The following TMEM147 variants were observed in gnomAD, a reference collection of about 807,000 sequenced individuals.
TMEM147 encodes the protein transmembrane protein 147.
A neutral mutation model predicts 29.4 loss-of-function variants in TMEM147; 29 were observed. The ratio of observed to expected loss-of-function variants is 0.99; its 90% CI spans 0.73 to 1.34. The LOEUF (loss-of-function observed/expected upper bound fraction) is 1.34. Ranked by LOEUF, TMEM147 falls within the 40% of genes most tolerant of loss-of-function variation. The pLI, the probability that TMEM147 is intolerant of heterozygous loss-of-function variation, is 0.00. For synonymous variants in TMEM147, 121 were observed against 111.8 expected (o/e 1.08, Z -0.52); for missense variants, 260 against 289.4 (o/e 0.90, Z 0.74).
At position 35,547,037 on chromosome 19, in the gene TMEM147, G is replaced by C. The variant is rs1374947402; in HGVS notation, c.429+8G>C. The C allele has an allele frequency of 6.2e-7, 1 of 1,614,254 alleles. No individual in the cohort carries two copies. Among genetic ancestry groups the C allele is most frequent in the East Asian group, 2.2e-5 (1 of 44,892 alleles). On this transcript the variant is annotated splice_region_variant and intron_variant, in intron 5 of 6. Coordinates refer to ENST00000222284, the MANE Select transcript of TMEM147 (RefSeq NM_032635.4). ...GACTCCAACATCAGTCTGGTAGGCA[G>C]TCGTGCTCTCCCACATACACATTTC...
intron 2 of TMEM147, 43 bp downstream of exon 2, chr19:35,546,000 T>C: frequency 1.3e-6 from 2 of 1,596,290 alleles, no homozygotes; most frequent in Non-Finnish European, 1.7e-6. Context: ...CCCCAGGCTC[T>C]GCAGACCCAG....
chr19:35,545,655 G>A lies in TMEM147; in HGVS notation c.-85G>A, dbSNP rs2071544921. On this transcript the variant is annotated 5_prime_UTR_variant, in exon 1 of 7. Transcript: ENST00000222284. ...AGGTGGGTGCCAGGCCCTGGCCGTG[G>A]CGAAAGAGCCGGCGGAGCCGGAGAC... The A allele has an allele frequency of 6.7e-7, 1 of 1,481,798 alleles. No individual in the cohort carries two copies. Among genetic ancestry groups the A allele is most frequent in the Non-Finnish European group, 9.1e-7 (1 of 1,098,466 alleles). The allele number at this position is 1,481,798 out of a possible 1,614,324, so 91.8% of individuals were successfully genotyped here. A position where few individuals can be genotyped will look rare whatever the true frequency, so the allele number is the denominator to read the frequency against.
Position 35,545,807 on chromosome 19 carries a change from G to T in TMEM147, c.68G>T (p.Cys23Phe). ...AYFPYFITYK[C>F]SGLSEYNAFW... ...TTCCCCTACTTCATCACCTACAAGT[G>T]CAGCGGCCTGTGAGTGCGGGAAGGG... Residue 23 changes from cysteine (C) to phenylalanine (F), a missense_variant, in exon 1 of 7, where the codon TGC (cysteine) becomes TTC (phenylalanine). Coordinates refer to ENST00000222284, the MANE Select transcript of TMEM147 (RefSeq NM_032635.4). 1.9e-6 allele frequency: 3 copies of T among 1,613,926 alleles called. No homozygotes were observed. The highest frequency in any genetic ancestry group is 2.5e-6 in the Non-Finnish European group (3 of 1,179,914).
intron 2 of TMEM147, 43 bp from the exon 3 acceptor site, chr19:35,546,483 T>G (rs1413794898): frequency 6.3e-7 from 1 of 1,585,398 alleles, no homozygotes; most frequent in Non-Finnish European, 8.6e-7. Flanking sequence ...TTTATCTTGA[T>G]CCCCTCACCT....
At position 35,545,783 on chromosome 19, in the gene TMEM147, T is replaced by C; in HGVS notation, c.44T>C (p.Phe15Ser). The change falls in exon 1 of 7, where the codon TTC becomes TCC. Residue 15 changes from phenylalanine (F) to serine (S), a missense_variant. By Grantham distance (155) the Phe-to-Ser change is radical (BLOSUM62 -2). Coordinates refer to ENST00000222284, the MANE Select transcript of TMEM147 (RefSeq NM_032635.4). Reference protein sequence around the residue: ...HFGNCFALAYFPYFITYKCSG... With the variant: ...HFGNCFALAYSPYFITYKCSG... ...GGGAACTGCTTCGCTCTTGCCTACT[T>C]CCCCTACTTCATCACCTACAAGTGC... 1 of 1,613,702 alleles carries C rather than the reference T, an allele frequency of 6.2e-7. No homozygotes were observed. The highest frequency in any genetic ancestry group is 8.5e-7 in the Non-Finnish European group (1 of 1,179,878).
At position 35,546,539 on chromosome 19, in the gene TMEM147, C is replaced by T. The variant is rs1451656223; in HGVS notation, c.161C>T (p.Ala54Val). ...TTCTGTTCTCAGATGCTGTTCTTGG[C>T]CACTTTCTTTCCCACCTGGGAAGGC... ...FVQLCKMLFL[A>V]TFFPTWEGGI... The change falls in exon 3 of 7, where the codon GCC becomes GTC. Residue 54 changes from alanine (A) to valine (V), a missense_variant. Physicochemically the swap from Ala to Val is moderately conservative, Grantham distance 64. Coordinates refer to ENST00000222284, the MANE Select transcript of TMEM147 (RefSeq NM_032635.4). The T allele has an allele frequency of 6.2e-7, 1 of 1,613,154 alleles. No homozygotes were observed. Among genetic ancestry groups the T allele is most frequent in the Non-Finnish European group, 8.5e-7 (1 of 1,179,584 alleles).
intron 1 of TMEM147, 24 bp downstream of exon 1, chr19:35,545,840 C>A (rs746442934): frequency 2.5e-5 from 41 of 1,613,608 alleles, no homozygotes; most frequent in Non-Finnish European, 3.3e-5. Context: ...GGGCGCGGGG[C>A]GGAGAGGGCG....
chr19:35,546,636 C>T, intron 3 of TMEM147, 36 bp from the exon 4 acceptor site: 1 of 1,609,302 alleles, frequency 6.2e-7, no homozygotes, highest in Non-Finnish European at 8.5e-7. Flanking sequence ...GCTCCCTGTC[C>T]CCCTGTGCTT....
chr19:35,546,320 A>C (rs2071556327), intron 2 of TMEM147: 1 of 636,180 alleles, frequency 1.6e-6, no homozygotes. Context: ...CCCAGAACTC[A>C]AACTTCCAGC....
chr19:35,547,262 G>T, intron 6 of TMEM147, 22 bp downstream of exon 6: 1 of 1,614,126 alleles, frequency 6.2e-7, no homozygotes, highest in Non-Finnish European at 8.5e-7. Flanking sequence ...GGGGTTTAGG[G>T]CTGGGTCCAA....
chr19:35,546,876 G>A, intron 4 of TMEM147, 68 bp downstream of exon 4: 2 of 1,614,124 alleles, frequency 1.2e-6, no homozygotes, highest in Non-Finnish European at 8.5e-7. Context: ...GGTGCTGGAG[G>A]GCAGGGGCTC....
intron 2 of TMEM147, 171 bp from the exon 3 acceptor site, chr19:35,546,355 C>T (rs984399221): frequency 5.3e-6 from 4 of 750,708 alleles, no homozygotes; most frequent in Admixed American, 5.9e-5. Context: ...GGGGACCTAT[C>T]CTCTATCTCC....
rs369322380 is a variant in TMEM147 at position 35,545,899 on chromosome 19, A to G, written c.89A>G (p.Asn30Ser). 43 of 1,613,834 alleles carry G rather than the reference A, an allele frequency of 2.7e-5. No individual in the cohort carries two copies. Among genetic ancestry groups the G allele is most frequent in the Non-Finnish European group, 3.6e-5 (42 of 1,179,924 alleles). The stretch of plus-strand genomic sequence containing the variant: ...TCCCGCTTCTCCAGGTCCGAGTACA[A>G]CGCCTTCTGGAAATGCGTCCAGGCT... ...TYKCSGLSEY[N>S]AFWKCVQAGV... Residue 30 changes from asparagine (N) to serine (S), a missense_variant, in exon 2 of 7, where the codon AAC becomes AGC. Transcript: ENST00000222284.
chr19:35,546,627 C>T, intron 3 of TMEM147, 42 bp downstream of exon 3: 1 of 1,608,916 alleles, frequency 6.2e-7, no homozygotes. Context: ...AGGAATGGGG[C>T]TCCCTGTCCC....
intron 2 of TMEM147, chr19:35,546,230 G>A (rs2071555455): frequency 1.7e-6 from 1 of 602,202 alleles, no homozygotes; most frequent in Non-Finnish European, 2.9e-6. Context: ...GCGGTTAAGA[G>A]TGATCACTGA....
Position 35,547,145 on chromosome 19 carries a change from G to A in TMEM147, c.456G>A (p.Gln152=), listed in dbSNP as rs779261266. 1.6e-5 allele frequency: 26 copies of A among 1,614,184 alleles called. No individual in the cohort carries two copies. Among genetic ancestry groups the A allele is most frequent in the Non-Finnish European group, 2.1e-5 (25 of 1,180,036 alleles). The change falls in exon 6 of 7, where the codon CAG becomes CAA. Residue 152 remains glutamine (Q), a synonymous_variant. Coordinates refer to ENST00000222284, the MANE Select transcript of TMEM147 (RefSeq NM_032635.4). ...SLVHYIVASA[Q]VWMITRYDLY... ...TCCATTACATCGTCGCGTCTGCTCA[G>A]GTCTGGATGATAACACGCTATGATC...
Position 35,546,531 on chromosome 19 carries a change from G to T in TMEM147, c.153G>T (p.Leu51=). The part of the protein sequence containing the change: ...TYLFVQLCKM[L]FLATFFPTWE... ...TTTCTGCTTTCTGTTCTCAGATGCT[G>T]TTCTTGGCCACTTTCTTTCCCACCT... The change falls in exon 3 of 7, where the codon CTG becomes CTT. Residue 51 remains leucine (L), a synonymous_variant. Coordinates refer to ENST00000222284, the MANE Select transcript of TMEM147 (RefSeq NM_032635.4). The T allele has an allele frequency of 1.2e-6, 2 of 1,612,910 alleles. No homozygotes were observed. The highest frequency in any genetic ancestry group is 1.7e-6 in the Non-Finnish European group (2 of 1,179,498).
rs745871736 is a variant in TMEM147, at chr19:35,546,572, A to C, written c.194A>C (p.Tyr65Ser). 1.2e-6 allele frequency: 2 copies of C among 1,613,480 alleles called. No individual in the cohort carries two copies. Among genetic ancestry groups the C allele is most frequent in the Non-Finnish European group, 1.7e-6 (2 of 1,179,804 alleles). ...TFFPTWEGGI[Y>S]DFIGEFMKAS... Reference sequence around the variant, plus strand: ...TTTCCCACCTGGGAAGGCGGCATCTATGACTTCATTGGGGTGAGAGGGGCC... The same window carrying C: ...TTTCCCACCTGGGAAGGCGGCATCTCTGACTTCATTGGGGTGAGAGGGGCC... Residue 65 changes from tyrosine (Y) to serine (S), a missense_variant, in exon 3 of 7, where the codon TAT becomes TCT. By Grantham distance (144) the Tyr-to-Ser change is moderately radical. Transcript: ENST00000222284.
chr19:35,546,641 G>A (rs369517577), intron 3 of TMEM147, 31 bp from the exon 4 acceptor site: 4 of 1,609,944 alleles, frequency 2.5e-6, no homozygotes, highest in African/African-American at 2.7e-5. Context: ...CTGTCCCCCT[G>A]TGCTTACTTA....
Sources: allele counts gnomAD v4.1 joint callset, GRCh38; gene constraint gnomAD v4.1.1; transcripts MANE v1.5; gene names NCBI Gene and HGNC (gene_info 2026-07-23, HGNC 2026-07-21).